Variants in CDH1 observed in about 807,000 individuals in gnomAD.
CDH1 encodes the protein cadherin-1.
In CDH1, 35 loss-of-function variants were observed where a neutral mutation model predicts 84.5. The ratio of observed to expected loss-of-function variants is 0.41; its 90% CI spans 0.32 to 0.55. The LOEUF (loss-of-function observed/expected upper bound fraction) is 0.55, where lower values mean the gene tolerates loss of function less well. Ranked by LOEUF, CDH1 falls within the 20% of genes least tolerant of loss-of-function variation. CDH1 has a pLI of 0.19. For missense variants in CDH1, 994 were observed against 1,126.6 expected, an observed-to-expected ratio of 0.88 and a Z score of 1.68; for synonymous variants, 417 against 439.0, an observed-to-expected ratio of 0.95 and a Z score of 0.63.
chr16:68,743,598 C>T (rs981826394), intron 2 of CDH1, among the ~76,000 whole-genome samples: 4 of 151,810 alleles, frequency 2.6e-5, no homozygotes, highest in Non-Finnish European at 5.9e-5. Flanking sequence ...CTCCTGAGCT[C>T]AAAGTGGTCT....
intron 15 of CDH1, among the ~76,000 whole-genome samples, chr16:68,831,216 C>T (rs1046726397): frequency 1.3e-5 from 2 of 149,278 alleles, no homozygotes; most frequent in African/African-American, 4.9e-5. Flanking sequence ...GTAGCTGTGC[C>T]TACAGGCACC....
intron 2 of CDH1, among the ~76,000 whole-genome samples, chr16:68,776,884 C>T (rs1243202717): frequency 6.6e-6 from 1 of 152,176 alleles, no homozygotes; most frequent in African/African-American, 2.4e-5. Context: ...GATTGCCATT[C>T]GGCCCATCTT....
chr16:68,784,126 G>A (rs150506471), intron 2 of CDH1, among the ~76,000 whole-genome samples: 151 of 152,258 alleles, frequency 9.9e-4, no homozygotes, highest in Middle Eastern at 6.8e-3. Flanking sequence ...CAATGTGTGA[G>A]TCCCTCTGTG....
intron 13 of CDH1, 96 bp downstream of exon 13, chr16:68,823,722 A>G: frequency 1.2e-6 from 1 of 821,880 alleles, no homozygotes; most frequent in Non-Finnish European, 2.0e-6. Context: ...TAATAAGGAT[A>G]TAGGTTAGCT....
rs1038471135 is a variant in CDH1 at position 68,818,132 on chromosome 16, C to G, written c.1566-1148C>G. Reference sequence around the variant, plus strand: ...GCGGGTGCCTGTAGACCCAGCTATTCAGGAGGCTGGGGCAGGAGAATGGCA... The same window carrying G: ...GCGGGTGCCTGTAGACCCAGCTATTGAGGAGGCTGGGGCAGGAGAATGGCA... On this transcript the variant is annotated intron_variant, in intron 10 of 15. Coordinates refer to ENST00000261769, the MANE Select transcript of CDH1 (RefSeq NM_004360.5). 2.7e-4 allele frequency among the ~76,000 whole-genome samples: 40 copies of G among 149,924 alleles called. 1 individual carries two copies. The highest frequency in any genetic ancestry group is 9.8e-4 in the African/African-American group (40 of 40,730).
intron 2 of CDH1, among the ~76,000 whole-genome samples, chr16:68,774,981 C>T (rs1213636273): frequency 2.6e-5 from 4 of 152,040 alleles, no homozygotes; most frequent in Admixed American, 1.3e-4. Context: ...TACAATGAAG[C>T]CAAGCATGGT....
chr16:68,750,939 A>C (rs576817830), intron 2 of CDH1, among the ~76,000 whole-genome samples: 2 of 152,178 alleles, frequency 1.3e-5, no homozygotes, highest in East Asian at 3.9e-4. Flanking sequence ...TCCTGGGCTC[A>C]AGGGATCTTC....
At chr16:68,783,388 CAAAAAA>C (rs375080273) in intron 2 of CDH1, among the ~76,000 whole-genome samples, 6 of 62,006 alleles carry the variant, frequency 9.7e-5, no homozygotes, top group Non-Finnish European at 6.7e-5. Flanking sequence ...CAGAGTATCT[CAAAAAA>C]AAAAAAAAAA....
chr16:68,751,397 A>G (rs1236196088), intron 2 of CDH1, among the ~76,000 whole-genome samples: 1 of 152,152 alleles, frequency 6.6e-6, no homozygotes, highest in African/African-American at 2.4e-5. Context: ...GACCATTCCC[A>G]TAATATCTGC....
At chr16:68,793,909 C>T (rs1267956348) in intron 2 of CDH1, among the ~76,000 whole-genome samples, 1 of 118,000 alleles carries the variant, frequency 8.5e-6, no homozygotes, top group Non-Finnish European at 1.6e-5. Context: ...CCAGTGTGGG[C>T]AACAGAGCAA....
chr16:68,823,504 T>C lies in CDH1; in HGVS notation c.2042T>C (p.Leu681Ser). The change falls in exon 13 of 16, where the codon TTA becomes TCA. Residue 681 changes from leucine (L) to serine (S), a missense_variant. This residue lies in a region of CDH1 where 769 missense variants were observed against 881.8 expected (regional missense o/e 0.87). Transcript: ENST00000261769. The part of the protein sequence containing the change: ...DNQNKDQVTT[L>S]EVSVCDCEGA... ...CAGAATAAAGACCAAGTGACCACCT[T>C]AGAGGTCAGCGTGTGTGACTGTGAA... 5 of 1,613,488 alleles carry C rather than the reference T, an allele frequency of 3.1e-6. No homozygotes were observed. The highest frequency in any genetic ancestry group is 4.2e-6 in the Non-Finnish European group (5 of 1,179,480).
intron 2 of CDH1, among the ~76,000 whole-genome samples, chr16:68,795,440 G>A (rs560932940): frequency 6.6e-6 from 1 of 152,264 alleles, no homozygotes; most frequent in Admixed American, 6.5e-5. Context: ...TCGCAAAATG[G>A]TGAGATTACA....
Position 68,834,173 on chromosome 16 carries a change from CAA to C in CDH1, c.*676_*677del, listed in dbSNP as rs1567518326. 1 of 488,964 alleles carries C rather than the reference CAA, an allele frequency of 2.0e-6. No individual in the cohort carries two copies. Among genetic ancestry groups the C allele is most frequent in the Non-Finnish European group, 4.0e-6 (1 of 247,148 alleles). The allele number at this position is 488,964 out of a possible 1,614,324, so 30.3% of individuals were successfully genotyped here. On this transcript the variant is annotated 3_prime_UTR_variant, in exon 16 of 16. Coordinates refer to ENST00000261769, the MANE Select transcript of CDH1 (RefSeq NM_004360.5). ...CTCCCTGTGTTACCCAGGCTGGTCT[CAA>C]ACTCCTGGGCTCAAGTGATCCTCCC...
intron 2 of CDH1, among the ~76,000 whole-genome samples, chr16:68,742,897 T>A (rs1373979968): frequency 1.3e-5 from 2 of 152,198 alleles, no homozygotes; most frequent in Admixed American, 1.3e-4. Flanking sequence ...CAATTACTCA[T>A]GTCTGTGACA....
chr16:68,818,865 A>G (rs867120462), intron 10 of CDH1, among the ~76,000 whole-genome samples: 181 of 150,996 alleles, frequency 1.2e-3, no homozygotes, highest in South Asian at 0.011. Flanking sequence ...AAAAAAAAAA[A>G]AAAAAGAAAG....
chr16:68,775,479 G>C (rs980153414), intron 2 of CDH1, among the ~76,000 whole-genome samples: 1 of 152,182 alleles, frequency 6.6e-6, no homozygotes, highest in African/African-American at 2.4e-5. Context: ...CATGAGAAGA[G>C]AAGGTGGTGT....
At chr16:68,803,217 G>A (rs560072844) in intron 3 of CDH1, among the ~76,000 whole-genome samples, 4 of 152,154 alleles carry the variant, frequency 2.6e-5, no homozygotes, top group South Asian at 4.2e-4. Flanking sequence ...TGGTCCTCCC[G>A]ATCTGATTTT....
intron 2 of CDH1, among the ~76,000 whole-genome samples, chr16:68,746,323 G>A (rs1962743091): frequency 6.6e-6 from 1 of 152,168 alleles, no homozygotes. Context: ...TACTTGGGAG[G>A]CTGAGGCAGA....
intron 2 of CDH1, among the ~76,000 whole-genome samples, chr16:68,761,853 G>A (rs981607356): frequency 6.6e-6 from 1 of 152,154 alleles, no homozygotes; most frequent in Non-Finnish European, 1.5e-5. Flanking sequence ...TCAAGGGGCA[G>A]GGGCTGGCAG....
Sources: allele counts gnomAD v4.1 joint callset (sites outside exome capture counted in the v4.1 genomes callset), GRCh38; gene constraint gnomAD v4.1.1; regional missense constraint gnomAD v4.1.1; transcripts MANE v1.5; gene names NCBI Gene and HGNC (gene_info 2026-07-23, HGNC 2026-07-21).